The following ATP7A variants were observed in gnomAD, a reference collection of about 807,000 sequenced individuals.
The protein encoded by ATP7A is ATPase copper transporting alpha.
A neutral mutation model predicts 83.5 loss-of-function variants in ATP7A; 7 were observed. That is an observed-to-expected ratio of 0.08 (90% CI 0.05 to 0.16). The LOEUF is 0.16. ATP7A is among the 10% of genes least tolerant of loss of function. ATP7A has a pLI of 1.00. For missense variants in ATP7A, 940 were observed against 1,120.8 expected (o/e 0.84, Z 2.30); for synonymous variants, 354 against 395.2 (o/e 0.90, Z 1.24).
intron 5 of ATP7A, among the ~76,000 whole-genome samples, chrX:78,000,636 T>A (rs1172078878): frequency 1.9e-5 from 2 of 107,298 alleles, no homozygotes; most frequent in Non-Finnish European, 3.8e-5. Flanking sequence ...TATAAATATA[T>A]AAATGTATAT....
In ATP7A at chrX:78,043,382, A is replaced by G. The variant is rs2078062354; in HGVS notation, c.4071A>G (p.Ile1357Met). The stretch of plus-strand genomic sequence containing the variant: ...GAAAGACAGTCAAGAGGATTCGGAT[A>G]AATTTTGTCTTTGCTCTAATTTATA... ...LSRKTVKRIR[I>M]NFVFALIYNL... Residue 1357 changes from isoleucine (I) to methionine (M), a missense_variant, in exon 21 of 23, where the codon ATA becomes ATG. This residue lies in a region of ATP7A where 386 missense variants were observed against 502.2 expected (regional missense o/e 0.77). Coordinates refer to ENST00000341514, the MANE Select transcript of ATP7A (RefSeq NM_000052.7). The G allele has an allele frequency of 2.5e-6, 3 of 1,208,401 alleles. No homozygotes were observed. The highest frequency in any genetic ancestry group is 4.4e-5 in the Admixed American group (2 of 45,721).
intron 19 of ATP7A, among the ~76,000 whole-genome samples, chrX:78,040,954 C>T (rs924135927): frequency 2.7e-5 from 3 of 111,552 alleles, no homozygotes; most frequent in Admixed American, 9.6e-5. Context: ...GGGATGCTTG[C>T]GTGACACTGT....
intron 1 of ATP7A, among the ~76,000 whole-genome samples, chrX:77,968,085 A>G (rs1176943146): frequency 9.0e-6 from 1 of 110,881 alleles, no homozygotes; most frequent in Non-Finnish European, 1.9e-5. Context: ...TCAGTGAAAG[A>G]CACACTTGGA....
At chrX:77,999,073 T>G (rs1275419236) in intron 5 of ATP7A, among the ~76,000 whole-genome samples, 1 of 108,124 alleles carries the variant, frequency 9.2e-6, no homozygotes, top group East Asian at 2.9e-4. Context: ...CTCGGCTCAC[T>G]GCAACCTCTG....
intron 15 of ATP7A, among the ~76,000 whole-genome samples, chrX:78,030,553 A>C (rs1225444965): frequency 1.8e-5 from 2 of 111,452 alleles, no homozygotes; most frequent in Non-Finnish European, 3.8e-5. Flanking sequence ...CAAAATCAAT[A>C]AATTAATATT....
intron 5 of ATP7A, among the ~76,000 whole-genome samples, chrX:78,000,378 A>G (rs1012749802): frequency 9.0e-6 from 1 of 110,840 alleles, no homozygotes; most frequent in Non-Finnish European, 1.9e-5. Context: ...GGGGCAATTC[A>G]GAAATAGCTT....
intron 1 of ATP7A, chrX:77,962,843 A>G (rs782769174): frequency 2.6e-6 from 1 of 379,406 alleles, no homozygotes; most frequent in East Asian, 7.5e-5. Context: ...TCCTTAAAAC[A>G]TGACGGGACC....
chrX:77,933,611 T>G (rs1440824088), intron 1 of ATP7A, among the ~76,000 whole-genome samples: 7 of 112,212 alleles, frequency 6.2e-5, no homozygotes, highest in African/African-American at 2.3e-4. Flanking sequence ...AAACATGACA[T>G]TCATTTATGT....
At chrX:77,916,046 T>G (rs2077183371) in intron 1 of ATP7A, among the ~76,000 whole-genome samples, 1 of 111,357 alleles carries the variant, frequency 9.0e-6, no homozygotes, top group Non-Finnish European at 1.9e-5. Flanking sequence ...GCACAATACT[T>G]AATTTCTAAC....
intron 1 of ATP7A, among the ~76,000 whole-genome samples, chrX:77,919,836 C>T (rs1167612977): frequency 8.9e-6 from 1 of 112,041 alleles, no homozygotes; most frequent in African/African-American, 3.2e-5. Context: ...TGAGTGCATT[C>T]TCAGTGTTGT....
chrX:78,003,246 A>AT lies in ATP7A; in HGVS notation c.1707+16dup, dbSNP rs782744864. 2.5e-6 allele frequency: 3 copies of AT among 1,201,714 alleles called. No homozygotes were observed. The highest frequency in any genetic ancestry group is 1.8e-5 in the South Asian group (1 of 56,614). ...TGTTTTGGAACTTGTTGTAAGTAAGATTTTTTGTGTGATTAATAAAACTTC... is the reference window on the plus strand; with the variant it reads ...TGTTTTGGAACTTGTTGTAAGTAAGATTTTTTTGTGTGATTAATAAAACTTC... On this transcript the variant is annotated intron_variant, in intron 6 of 22. Transcript: ENST00000341514.
chrX:77,988,125 G>C (rs1260294248), intron 2 of ATP7A, 117 bp from the exon 3 acceptor site: 4 of 815,250 alleles, frequency 4.9e-6, no homozygotes, highest in Non-Finnish European at 6.9e-6. Context: ...AAACTAATAG[G>C]GAAACTCCAT....
At chrX:77,971,963 A>C (rs979637946) in intron 2 of ATP7A, among the ~76,000 whole-genome samples, 9 of 111,797 alleles carry the variant, frequency 8.1e-5, no homozygotes, top group African/African-American at 2.3e-4. Context: ...CAATTTAAAA[A>C]CATCTGAACA....
chrX:77,937,891 A>T (rs782276678), intron 1 of ATP7A, among the ~76,000 whole-genome samples: 158 of 107,084 alleles, frequency 1.5e-3, no homozygotes, highest in African/African-American at 5.1e-3. Flanking sequence ...TCTCTCTCAC[A>T]CACACACACA....
chrX:78,018,854 C>A, intron 12 of ATP7A, among the ~76,000 whole-genome samples: 1 of 109,357 alleles, frequency 9.1e-6, no homozygotes, highest in Non-Finnish European at 1.9e-5. Flanking sequence ...GGGGCAAGGA[C>A]CTTCTTCATA....
At chrX:77,948,059 A>ATATT (rs200263608) in intron 1 of ATP7A, among the ~76,000 whole-genome samples, 6,618 of 93,975 alleles carry the variant, frequency 0.07, 258 homozygotes, top group East Asian at 0.1. Context: ...CAATTTAAAA[A>ATATT]TATTTATTTA....
chrX:77,966,801 A>T (rs1557228809), intron 1 of ATP7A: 7 of 328,980 alleles, frequency 2.1e-5, no homozygotes, highest in Non-Finnish European at 4.1e-5. Context: ...TCTAAAAAAA[A>T]CCAGGATAGA....
chrX:77,932,364 G>A (rs782370033), intron 1 of ATP7A, among the ~76,000 whole-genome samples: 28 of 106,542 alleles, frequency 2.6e-4, no homozygotes, highest in African/African-American at 9.1e-4. Context: ...GGGAAGAGGC[G>A]CTCCTCACTT....
intron 19 of ATP7A, 76 bp from the exon 20 acceptor site, chrX:78,042,509 A>G: frequency 2.9e-6 from 3 of 1,021,385 alleles, no homozygotes; most frequent in Non-Finnish European, 4.1e-6. Flanking sequence ...GTGAAAACTG[A>G]TGGCTTGTTA....
Sources: allele counts gnomAD v4.1 joint callset (sites outside exome capture counted in the v4.1 genomes callset), GRCh38; gene constraint gnomAD v4.1.1; regional missense constraint gnomAD v4.1.1; transcripts MANE v1.5; gene names NCBI Gene and HGNC (gene_info 2026-07-23, HGNC 2026-07-21).